VIPR1: variants seen among roughly 807,000 people sequenced by gnomAD.
VIPR1 encodes the protein vasoactive intestinal polypeptide receptor 1.
A neutral mutation model predicts 58.8 loss-of-function variants in VIPR1; 59 were observed. The observed-to-expected ratio is 1.00, with a 90% confidence interval of 0.81 to 1.25. The LOEUF (loss-of-function observed/expected upper bound fraction) is 1.25, where lower values mean the gene tolerates loss of function less well. Among genes scored for constraint, VIPR1 ranks in the 50% most tolerant of loss-of-function variants. The probability of loss-of-function intolerance (pLI) is 0.00; values close to 1 mark genes in which losing one functional copy is unlikely to be tolerated. For missense variants in VIPR1, 626 were observed against 602.7 expected, an observed-to-expected ratio of 1.04 and a Z score of -0.40; for synonymous variants, 251 against 242.1, an observed-to-expected ratio of 1.04 and a Z score of -0.34.
At chr3:42,506,664 A>G (rs1700132437) in intron 1 of VIPR1, 1 of 151,994 alleles carries the variant, frequency 6.6e-6, no homozygotes, top group East Asian at 1.9e-4. Context: ...AGGAGCTGAG[A>G]TTACAGGCTC....
intron 7 of VIPR1, chr3:42,531,221 AG>A: frequency 1.6e-6 from 1 of 612,470 alleles, no homozygotes; most frequent in Non-Finnish European, 2.9e-6. Context: ...TAATCTATAA[AG>A]GGCCTCTGTC....
At chr3:42,507,512 C>G (rs1210097266) in intron 1 of VIPR1, among the ~76,000 whole-genome samples, 3 of 152,248 alleles carry the variant, frequency 2.0e-5, no homozygotes, top group African/African-American at 7.2e-5. Context: ...GGACTCATAG[C>G]CTTGTGGCTG....
intron 1 of VIPR1, chr3:42,513,024 G>A (rs1057031082): frequency 1.1e-6 from 1 of 947,410 alleles, no homozygotes; most frequent in Non-Finnish European, 1.3e-6. Context: ...AAGAGGAGAA[G>A]CTTGGACTTT....
intron 5 of VIPR1, 104 bp downstream of exon 5, chr3:42,527,600 G>GC (rs749863242): frequency 9.1e-7 from 1 of 1,094,654 alleles, no homozygotes. Context: ...CTCCACTGTT[G>GC]CCCCCCAGCA....
chr3:42,535,499 A>G (rs1701796055), intron 12 of VIPR1, 115 bp downstream of exon 12: 2 of 1,176,490 alleles, frequency 1.7e-6, no homozygotes, highest in Admixed American at 1.8e-5. Context: ...TGCTCCAAGT[A>G]TGGTCCTCAA....
intron 1 of VIPR1, chr3:42,506,646 G>C (rs1189290979): frequency 1.3e-5 from 2 of 151,948 alleles, no homozygotes; most frequent in Non-Finnish European, 2.9e-5. Context: ...TTCTGGCTCA[G>C]CCTCCCTAGG....
chr3:42,515,527 G>A (rs932555882), intron 2 of VIPR1, among the ~76,000 whole-genome samples: 1 of 152,240 alleles, frequency 6.6e-6, no homozygotes, highest in African/African-American at 2.4e-5. Flanking sequence ...CACGCCTGGG[G>A]ACAGGCCACC....
chr3:42,513,601 G>C, intron 1 of VIPR1, 148 bp from the exon 2 acceptor site: 1 of 803,070 alleles, frequency 1.2e-6, no homozygotes, highest in Non-Finnish European at 1.9e-6. Context: ...TTGGGGTCAG[G>C]TTCAGGTTTC....
At chr3:42,521,824 T>C (rs916381156) in intron 3 of VIPR1, among the ~76,000 whole-genome samples, 9 of 151,888 alleles carry the variant, frequency 5.9e-5, no homozygotes, top group Non-Finnish European at 1.3e-4. Context: ...CTTGGCTCAC[T>C]GCAACCTCCG....
chr3:42,501,684 C>G (rs556641094), upstream of VIPR1, among the ~76,000 whole-genome samples: 9 of 152,366 alleles, frequency 5.9e-5, no homozygotes, highest in East Asian at 1.7e-3. The surrounding 1 kb of genome is among the most constrained non-coding windows in gnomAD (Gnocchi z 4.8). Context: ...CTTGGAAGCT[C>G]AGCACCAAAG....
Position 42,528,369 on chromosome 3 carries a change from A to G in VIPR1, c.636+246A>G, listed in dbSNP as rs1701352677. On this transcript the variant is annotated intron_variant, in intron 6 of 12. Coordinates refer to ENST00000325123, the MANE Select transcript of VIPR1 (RefSeq NM_004624.4). ...TCACAGACCTGCCGCCGCCAGTGAG[A>G]AAAGCAGATGGGAAATGGGACACTT... The G allele has an allele frequency of 2.9e-5, 16 of 547,208 alleles. No homozygotes were observed. In the South Asian group the frequency reaches 3.9e-4, roughly 13 times the overall value. 33.9% of individuals were successfully genotyped at this position (547,208 alleles called of 1,614,324 possible).
At chr3:42,512,243 G>C (rs1700394762) in intron 1 of VIPR1, 1 of 152,264 alleles carries the variant, frequency 6.6e-6, no homozygotes, top group Non-Finnish European at 1.5e-5. Flanking sequence ...CTGCTTCTGG[G>C]AGTGTTGGCC....
intron 12 of VIPR1, 92 bp from the exon 13 acceptor site, chr3:42,535,998 C>A: frequency 7.2e-7 from 1 of 1,385,666 alleles, no homozygotes. Context: ...GAGAATAAGA[C>A]TGGCTAGTTC....
chr3:42,524,137 C>A (rs1701106255), intron 3 of VIPR1, among the ~76,000 whole-genome samples: 1 of 152,176 alleles, frequency 6.6e-6, no homozygotes, highest in Non-Finnish European at 1.5e-5. Flanking sequence ...TTCTACCTGC[C>A]TGAGCCTTGT....
chr3:42,534,267 GT>G (rs1701732501), intron 10 of VIPR1: 1 of 152,168 alleles, frequency 6.6e-6, no homozygotes, highest in Non-Finnish European at 1.5e-5. Flanking sequence ...GTTGTCCCTG[GT>G]GATCAGGTAT....
chr3:42,511,041 G>T (rs1172852733), intron 1 of VIPR1, among the ~76,000 whole-genome samples: 15 of 152,164 alleles, frequency 9.9e-5, no homozygotes, highest in African/African-American at 3.6e-4. Flanking sequence ...AGAGGGCAAG[G>T]CTGGACACTT....
intron 1 of VIPR1, among the ~76,000 whole-genome samples, chr3:42,495,270 C>T (rs978529880): frequency 6.6e-6 from 1 of 152,036 alleles, no homozygotes; most frequent in Non-Finnish European, 1.5e-5. Flanking sequence ...TATAGGCGCC[C>T]ACCACCACTC....
upstream of VIPR1, among the ~76,000 whole-genome samples, chr3:42,500,880 G>C (rs1699854963): frequency 6.6e-6 from 1 of 152,194 alleles, no homozygotes; most frequent in Admixed American, 6.5e-5. Flanking sequence ...CCTGTGTCCA[G>C]CCTCACTGAT....
intron 1 of VIPR1, among the ~76,000 whole-genome samples, chr3:42,510,846 G>T (rs1419560448): frequency 1.3e-5 from 2 of 152,110 alleles, no homozygotes; most frequent in African/African-American, 4.8e-5. Flanking sequence ...GTGCTGCTGA[G>T]GGGGCAGAGT....
Sources: gnomAD v4.1 joint callset for allele counts (sites outside exome capture counted in the v4.1 genomes callset) on GRCh38, gnomAD v4.1.1 for gene constraint, Gnocchi (gnomAD v3.1) non-coding constraint, MANE v1.5 for transcripts, NCBI Gene and HGNC (gene_info 2026-07-23, HGNC 2026-07-21) for gene names.